Variants in ADAMTS17 observed in about 807,000 individuals in gnomAD.
ADAMTS17 encodes the protein ADAM metallopeptidase with thrombospondin type 1 motif 17, also known as A disintegrin and metalloproteinase with thrombospondin motifs 17.
ADAMTS17 carries 113 observed loss-of-function variants against 141.5 expected under a neutral mutation model. The ratio of observed to expected loss-of-function variants is 0.80; its 90% CI spans 0.69 to 0.93. The LOEUF (loss-of-function observed/expected upper bound fraction) is 0.93, where lower values mean the gene tolerates loss of function less well. ADAMTS17 is among the 40% of genes least tolerant of loss of function. The pLI is 0.00. For missense variants in ADAMTS17, 1,659 were observed against 1,517.9 expected, an observed-to-expected ratio of 1.09 and a Z score of -1.54; for synonymous variants, 768 against 630.6, an observed-to-expected ratio of 1.22 and a Z score of -3.27.
intron 19 of ADAMTS17, among the ~76,000 whole-genome samples, chr15:99,995,753 C>A (rs2060788530): frequency 6.6e-6 from 1 of 152,154 alleles, no homozygotes; most frequent in African/African-American, 2.4e-5. Context: ...ACGTGGGAAG[C>A]GGCAGAAGTA....
intron 7 of ADAMTS17, among the ~76,000 whole-genome samples, chr15:100,234,220 T>G (rs923218392): frequency 6.6e-6 from 1 of 152,274 alleles, no homozygotes; most frequent in Admixed American, 6.5e-5. Context: ...ATCGGGCACC[T>G]TCAGAAACAA....
At chr15:100,095,489 G>C (rs996489028) in intron 15 of ADAMTS17, among the ~76,000 whole-genome samples, 1 of 152,142 alleles carries the variant, frequency 6.6e-6, no homozygotes, top group African/African-American at 2.4e-5. Flanking sequence ...CTGTTCTCTT[G>C]TTGGGGGAAA....
chr15:100,173,987 A>T (rs2040249343), intron 8 of ADAMTS17, among the ~76,000 whole-genome samples: 1 of 152,210 alleles, frequency 6.6e-6, no homozygotes, highest in African/African-American at 2.4e-5. Flanking sequence ...CTGAGCTGAG[A>T]TCCACCTTCA....
rs1424554847 is a variant in ADAMTS17, at chr15:100,039,001, T to G, written c.2591+9856A>C. On this transcript the variant is annotated intron_variant, in intron 18 of 21. Transcript: ENST00000268070. ...CAGTAGCCTGCTTATGTGTAGGACT[T>G]TGTCCACTTTCTGTAAGTTATCTAA... 3.9e-5 allele frequency among the ~76,000 whole-genome samples: 6 copies of G among 152,364 alleles called. No individual in the cohort carries two copies. In the South Asian group the frequency reaches 1.0e-3, roughly 26 times the overall value.
intron 2 of ADAMTS17, chr15:100,339,091 G>T: frequency 2.0e-6 from 2 of 985,456 alleles, no homozygotes; most frequent in Non-Finnish European, 2.4e-6. Context: ...GAATTTAAAA[G>T]CTGAAGTCTT....
At chr15:100,064,397 A>T (rs1380298634) in intron 15 of ADAMTS17, among the ~76,000 whole-genome samples, 1 of 152,172 alleles carries the variant, frequency 6.6e-6, no homozygotes, top group Non-Finnish European at 1.5e-5. Flanking sequence ...TTGTTACGGA[A>T]ACCATAGCAA....
chr15:100,145,545 GAAAAC>G (rs769632016), intron 10 of ADAMTS17, among the ~76,000 whole-genome samples: 36 of 152,202 alleles, frequency 2.4e-4, no homozygotes, highest in Non-Finnish European at 4.6e-4. Flanking sequence ...CTGCTAATGA[GAAAAC>G]TGGACCATTA....
At chr15:100,322,143 C>T (rs2045750469) in intron 3 of ADAMTS17, among the ~76,000 whole-genome samples, 1 of 152,108 alleles carries the variant, frequency 6.6e-6, no homozygotes, top group African/African-American at 2.4e-5. Flanking sequence ...AAGACAGGAA[C>T]AGCACAGGAG....
intron 3 of ADAMTS17, among the ~76,000 whole-genome samples, chr15:100,302,389 T>G (rs1272143595): frequency 6.6e-6 from 1 of 152,218 alleles, no homozygotes. Context: ...CAAGTTTCTG[T>G]GTGGATAAAT....
At chr15:100,123,856 C>G (rs1364937249) in intron 12 of ADAMTS17, among the ~76,000 whole-genome samples, 1 of 152,214 alleles carries the variant, frequency 6.6e-6, no homozygotes, top group Non-Finnish European at 1.5e-5. Flanking sequence ...GGCTGCCCAT[C>G]AGCCACCACG....
At chr15:100,156,565 T>A (rs1314519918) in intron 8 of ADAMTS17, among the ~76,000 whole-genome samples, 2 of 152,216 alleles carry the variant, frequency 1.3e-5, no homozygotes, top group Non-Finnish European at 2.9e-5. Flanking sequence ...TTCCATTGTA[T>A]TTATTCTTAA....
Position 100,211,897 on chromosome 15 carries a change from TG to T in ADAMTS17, c.1076-12475del, listed in dbSNP as rs2041821169. Among the ~76,000 whole-genome samples, 2 of 152,076 alleles carry T rather than the reference TG, an allele frequency of 1.3e-5. 1 individual carries two copies. The highest frequency in any genetic ancestry group is 4.2e-4 in the South Asian group (2 of 4,818). On this transcript the variant is annotated intron_variant, in intron 7 of 21. Coordinates refer to ENST00000268070, the MANE Select transcript of ADAMTS17 (RefSeq NM_139057.4). ...AGATGTTATTAAAGAGAATATAAAT[TG>T]GTATATTGGCCATTTTAGGAAGTAA...
chr15:100,260,987 A>C (rs2043495914), intron 6 of ADAMTS17, among the ~76,000 whole-genome samples: 1 of 152,208 alleles, frequency 6.6e-6, no homozygotes, highest in African/African-American at 2.4e-5. Context: ...GTTCTCAAAG[A>C]GGGTTGAAAA....
At chr15:100,124,379 T>G (rs1358631628) in intron 12 of ADAMTS17, among the ~76,000 whole-genome samples, 8 of 152,184 alleles carry the variant, frequency 5.3e-5, no homozygotes, top group Non-Finnish European at 1.2e-4. Flanking sequence ...GAAACAGAAG[T>G]TCGGCCTCAC....
At chr15:100,079,385 T>C (rs1169468579) in intron 15 of ADAMTS17, among the ~76,000 whole-genome samples, 1 of 152,236 alleles carries the variant, frequency 6.6e-6, no homozygotes, top group Non-Finnish European at 1.5e-5. Flanking sequence ...GAAACATTGA[T>C]GTATGTGACA....
chr15:100,195,076 C>T (rs188020047), intron 8 of ADAMTS17, among the ~76,000 whole-genome samples: 1 of 152,252 alleles, frequency 6.6e-6, no homozygotes, highest in African/African-American at 2.4e-5. Context: ...CCAAAGGTAG[C>T]ACATGGCTGC....
rs572144885 is a variant in ADAMTS17 at position 100,125,033 on chromosome 15, G to A, written c.1721+6974C>T. On this transcript the variant is annotated intron_variant, in intron 12 of 21. Transcript: ENST00000268070. ...TATTTTCAGGTTTGCTGTATTAAATGAAGACAGACCAGAAGATAAAGTCAC... is the reference window on the plus strand; with the variant it reads ...TATTTTCAGGTTTGCTGTATTAAATAAAGACAGACCAGAAGATAAAGTCAC... Among the ~76,000 whole-genome samples, 88 of 152,296 alleles carry A rather than the reference G, an allele frequency of 5.8e-4. 1 individual carries two copies. The highest frequency in any genetic ancestry group is 2.1e-3 in the East Asian group (11 of 5,168).
At chr15:100,255,581 A>G (rs1327284389) in intron 6 of ADAMTS17, among the ~76,000 whole-genome samples, 4 of 122,744 alleles carry the variant, frequency 3.3e-5, no homozygotes, top group African/African-American at 1.2e-4. Flanking sequence ...CCCCAGCCCA[A>G]CATTCAGCAC....
chr15:100,206,359 C>T (rs1046051908), intron 7 of ADAMTS17, among the ~76,000 whole-genome samples: 8 of 152,214 alleles, frequency 5.3e-5, no homozygotes, highest in Non-Finnish European at 1.0e-4. Context: ...TGGGCATGCC[C>T]AGGACACCCC....
Sources: allele counts gnomAD v4.1 joint callset (sites outside exome capture counted in the v4.1 genomes callset), GRCh38; gene constraint gnomAD v4.1.1; transcripts MANE v1.5; gene names NCBI Gene and HGNC (gene_info 2026-07-23, HGNC 2026-07-21).